Variants in CINP observed in about 807,000 individuals in gnomAD.
The protein encoded by CINP is cyclin-dependent kinase 2-interacting protein.
In CINP, 11 loss-of-function variants were observed where a neutral mutation model predicts 20.5. The ratio of observed to expected loss-of-function variants is 0.54; its 90% CI spans 0.34 to 0.89. The LOEUF (loss-of-function observed/expected upper bound fraction) is 0.89, where lower values mean the gene tolerates loss of function less well. Among genes scored for constraint, CINP ranks in the 40% least tolerant of loss-of-function variants. The probability of loss-of-function intolerance (pLI) is 0.02; values close to 1 mark genes in which losing one functional copy is unlikely to be tolerated. For missense variants in CINP, 213 were observed against 251.0 expected (o/e 0.85, Z 1.02); for synonymous variants, 108 against 102.1 (o/e 1.06, Z -0.35).
chr14:102,358,943 G>A (rs1293855974), intron 2 of CINP, among the ~76,000 whole-genome samples: 4 of 151,900 alleles, frequency 2.6e-5, no homozygotes, highest in East Asian at 3.9e-4. Context: ...AGCCAGGCAC[G>A]GTGGCTCACA....
At chr14:102,355,710 A>G in intron 3 of CINP, 58 bp downstream of exon 3, 1 of 1,598,916 alleles carries the variant, frequency 6.3e-7, no homozygotes, top group Non-Finnish European at 8.5e-7. Context: ...CAAACCCCAA[A>G]TACGTCCATC....
rs1886824876 is a variant in CINP, at chr14:102,349,806, T to C, written c.436+113A>G. 17 of 1,280,120 alleles carry C rather than the reference T, an allele frequency of 1.3e-5. No homozygotes were observed. The East Asian group carries it at 2.8e-4, about 21-fold the overall frequency. 79.3% of individuals were successfully genotyped at this position (1,280,120 alleles called of 1,614,324 possible). A position where few individuals can be genotyped will look rare whatever the true frequency, so the allele number is the denominator to read the frequency against. On this transcript the variant is annotated intron_variant, in intron 4 of 4. Coordinates refer to ENST00000216756, the MANE Select transcript of CINP (RefSeq NM_032630.3). ...TCTGTCTCCTTTCCTCCCGATACTT[T>C]TGCATTGAATTTGAAAGCCTTGTCA...
rs768820933 is a variant in CINP at position 102,359,566 on chromosome 14, G to A, written c.29C>T (p.Thr10Met). The change falls in exon 2 of 5, where the codon ACG becomes ATG. Residue 10 changes from threonine (T) to methionine (M), a missense_variant. Thr to Met is a moderately conservative substitution (Grantham distance 81). Coordinates refer to ENST00000216756, the MANE Select transcript of CINP (RefSeq NM_032630.3). ...GACAGATAAGACAGGTTTTCTGGGCGTTACAGTTCCAAGAGTCTTTGCTGA... is the reference window on the plus strand; with the variant it reads ...GACAGATAAGACAGGTTTTCTGGGCATTACAGTTCCAAGAGTCTTTGCTGA... MEAKTLGTV[T>M]PRKPVLSVSA... The A allele has an allele frequency of 2.8e-5, 45 of 1,609,746 alleles. No individual in the cohort carries two copies. Among genetic ancestry groups the A allele is most frequent in the Non-Finnish European group, 3.6e-5 (42 of 1,177,818 alleles).
At chr14:102,359,158 G>A (rs1406212148) in intron 2 of CINP, among the ~76,000 whole-genome samples, 5 of 148,952 alleles carry the variant, frequency 3.4e-5, no homozygotes, top group East Asian at 2.0e-4. Context: ...CTGAGATCGC[G>A]CCATCACACT....
intron 1 of CINP, 53 bp downstream of exon 1, chr14:102,362,792 A>G: frequency 6.2e-7 from 1 of 1,611,374 alleles, no homozygotes; most frequent in Non-Finnish European, 8.5e-7. Flanking sequence ...CTGCGGCCTA[A>G]GCAGTAACAT....
At chr14:102,349,635 T>G (rs892358426) in intron 4 of CINP, among the ~76,000 whole-genome samples, 7 of 152,162 alleles carry the variant, frequency 4.6e-5, no homozygotes, top group South Asian at 2.1e-4. Flanking sequence ...AAATGAGAGA[T>G]ATCTGCTTCC....
intron 4 of CINP, among the ~76,000 whole-genome samples, chr14:102,349,459 TAAGAAGCGCCTC>T (rs1886818093): frequency 6.6e-6 from 1 of 152,116 alleles, no homozygotes; most frequent in Non-Finnish European, 1.5e-5. Flanking sequence ...AGTAACCCTT[TAAGAAGCGCCTC>T]ATAGAGTTTA....
chr14:102,359,360 T>C, intron 2 of CINP, 59 bp downstream of exon 2: 1 of 1,281,514 alleles, frequency 7.8e-7, no homozygotes, highest in Non-Finnish European at 1.1e-6. Context: ...TTATTCACAT[T>C]ATTTCCCCAG....
intron 3 of CINP, among the ~76,000 whole-genome samples, chr14:102,350,812 T>G (rs1201285532): frequency 1.3e-5 from 2 of 149,406 alleles, no homozygotes; most frequent in Non-Finnish European, 3.0e-5. Flanking sequence ...CTCTCTCTTT[T>G]TTTTTTTTTT....
At chr14:102,359,294 AC>A in intron 2 of CINP, 124 bp downstream of exon 2, 1 of 445,072 alleles carries the variant, frequency 2.2e-6, no homozygotes, top group Non-Finnish European at 3.9e-6. Context: ...TACAATTTAT[AC>A]TTACACGTAT....
chr14:102,352,273 A>T (rs1378374489), intron 3 of CINP: 1 of 250,614 alleles, frequency 4.0e-6, no homozygotes, highest in South Asian at 3.7e-5. Context: ...AGAAAAGCTG[A>T]TAACAGGAGA....
chr14:102,362,838 C>G lies in CINP; in HGVS notation c.7+7G>C, dbSNP rs1887204029. 7 of 1,614,110 alleles carry G rather than the reference C, an allele frequency of 4.3e-6. No homozygotes were observed. The highest frequency in any genetic ancestry group is 5.9e-6 in the Non-Finnish European group (7 of 1,179,968). ...CCCACCCCGGGAAAGGAACCGATCT[C>G]ACGCACCTTCCATAAGGTCCACAGA... On this transcript the variant is annotated splice_region_variant and intron_variant, in intron 1 of 4. Transcript: ENST00000216756.
intron 1 of CINP, chr14:102,362,505 C>A: frequency 1.4e-6 from 1 of 699,566 alleles, no homozygotes; most frequent in Non-Finnish European, 2.6e-6. Context: ...AGTTTCTGGA[C>A]GAGATGAGCA....
Position 102,360,919 on chromosome 14 carries a change from A to G in CINP, c.8-1332T>C, listed in dbSNP as rs570031068. On this transcript the variant is annotated intron_variant, in intron 1 of 4. Transcript: ENST00000216756. The stretch of plus-strand genomic sequence containing the variant: ...CATCTTGATTTATCATTCATTCTTT[A>G]CTTAAACAACAAATATTTGCTTACT... Among the ~76,000 whole-genome samples the G allele has an allele frequency of 1.1e-3, 170 of 152,318 alleles. 1 individual carries two copies. The highest frequency in any genetic ancestry group is 3.8e-3 in the African/African-American group (159 of 41,568).
In CINP at chr14:102,348,767, A is replaced by G; in HGVS notation, c.437-8T>C. The G allele has an allele frequency of 1.7e-5, 27 of 1,611,592 alleles. No individual in the cohort carries two copies. The highest frequency in any genetic ancestry group is 2.3e-5 in the Non-Finnish European group (27 of 1,178,656). ...GCTTATGCGAAACCTCATCTGAAAG[A>G]AACGTGAATCTCCCTTAATGGCAGT... On this transcript the variant is annotated splice_polypyrimidine_tract_variant and splice_region_variant and intron_variant, in intron 4 of 4. Coordinates refer to ENST00000216756, the MANE Select transcript of CINP (RefSeq NM_032630.3).
chr14:102,359,227 A>ATATATATATATATATAT (rs1887072544), intron 2 of CINP, among the ~76,000 whole-genome samples, 192 bp downstream of exon 2: 2 of 115,422 alleles, frequency 1.7e-5, no homozygotes, highest in Non-Finnish European at 3.7e-5. Flanking sequence ...TAAATAACTA[A>ATATATATATATATATAT]ATATATATAT....
Position 102,349,910 on chromosome 14 carries a change from A to T in CINP, c.436+9T>A, listed in dbSNP as rs965077951. 2.5e-5 allele frequency: 40 copies of T among 1,613,612 alleles called. No individual in the cohort carries two copies. The highest frequency in any genetic ancestry group is 3.4e-5 in the Non-Finnish European group (40 of 1,179,892). Reference sequence around the variant, plus strand: ...CCTCCTGAAAATCAACTGAGAAGGAACTACTTACAGAAATGGGTTGTAGGC... The same window carrying T: ...CCTCCTGAAAATCAACTGAGAAGGATCTACTTACAGAAATGGGTTGTAGGC... On this transcript the variant is annotated intron_variant, in intron 4 of 4. Transcript: ENST00000216756.
At chr14:102,350,079 A>T (rs1420686775) in intron 3 of CINP, 31 bp from the exon 4 acceptor site, 1 of 1,573,588 alleles carries the variant, frequency 6.4e-7, no homozygotes, top group Non-Finnish European at 8.7e-7. Flanking sequence ...ATATGATAAT[A>T]TTATTTGAAA....
chr14:102,358,313 T>C lies in CINP; in HGVS notation c.176+1106A>G, dbSNP rs1887043699. 2.0e-5 allele frequency among the ~76,000 whole-genome samples: 3 copies of C among 152,220 alleles called. No homozygotes were observed. The South Asian group carries it at 6.2e-4, about 31-fold the overall frequency. On this transcript the variant is annotated intron_variant, in intron 2 of 4. Coordinates refer to ENST00000216756, the MANE Select transcript of CINP (RefSeq NM_032630.3). ...TGAGAGGTCTAATGTGGGTAAACACTATTAAACAGCAATGAGAAAGAACAG... is the reference window on the plus strand; with the variant it reads ...TGAGAGGTCTAATGTGGGTAAACACCATTAAACAGCAATGAGAAAGAACAG...
Sources: gnomAD v4.1 joint callset for allele counts (sites outside exome capture counted in the v4.1 genomes callset) on GRCh38, gnomAD v4.1.1 for gene constraint, MANE v1.5 for transcripts, NCBI Gene and HGNC (gene_info 2026-07-23, HGNC 2026-07-21) for gene names.